KIAA1328: variants seen among roughly 807,000 people sequenced by gnomAD.
The protein encoded by KIAA1328 is protein hinderin.
KIAA1328 carries 52 observed loss-of-function variants against 68.1 expected under a neutral mutation model. The observed-to-expected ratio is 0.76, with a 90% CI of 0.61 to 0.96. The LOEUF is 0.96. KIAA1328 is among the 40% of genes least tolerant of loss of function. The probability of loss-of-function intolerance (pLI) is 0.00; values close to 1 mark genes in which losing one functional copy is unlikely to be tolerated. For synonymous variants in KIAA1328, 232 were observed against 239.4 expected (o/e 0.97, Z 0.28); for missense variants, 641 against 677.6 (o/e 0.95, Z 0.60).
At chr18:37,183,400 C>T (rs2059734142) in intron 9 of KIAA1328, among the ~76,000 whole-genome samples, 1 of 152,146 alleles carries the variant, frequency 6.6e-6, no homozygotes. Context: ...CCATGATGGG[C>T]CCCAGTGATG....
rs143839676 is a variant in KIAA1328, at chr18:36,892,558, G to C, written c.448+6886G>C. Among the ~76,000 whole-genome samples, 448 of 152,138 alleles carry C rather than the reference G, an allele frequency of 2.9e-3. 7 individuals carry two copies. The highest frequency in any genetic ancestry group is 0.02 in the Admixed American group (311 of 15,270). The stretch of plus-strand genomic sequence containing the variant: ...AAAGAATATATTATGTACTTGGATA[G>C]GGCCACTTCGTTCCATTTAACAAGC... On this transcript the variant is annotated intron_variant, in intron 5 of 9. Coordinates refer to ENST00000280020, the MANE Select transcript of KIAA1328 (RefSeq NM_020776.3).
In KIAA1328 at chr18:37,001,118, ACTG is replaced by A. The variant is rs569397379; in HGVS notation, c.576+41686_576+41688del. 1.0e-3 allele frequency among the ~76,000 whole-genome samples: 155 copies of A among 152,170 alleles called. 2 individuals carry two copies. Among genetic ancestry groups the A allele is most frequent in the African/African-American group, 3.7e-3 (153 of 41,566 alleles). On this transcript the variant is annotated intron_variant, in intron 6 of 9. Coordinates refer to ENST00000280020, the MANE Select transcript of KIAA1328 (RefSeq NM_020776.3). Reference sequence around the variant, plus strand: ...TAAAAAAGATAAACAAAATTGATAAACTGCTAACTACATTAACTAAGAAAAGAT... The same window carrying A: ...TAAAAAAGATAAACAAAATTGATAAACTAACTACATTAACTAAGAAAAGAT...
intron 3 of KIAA1328, among the ~76,000 whole-genome samples, chr18:36,838,972 A>C (rs541785444): frequency 1.3e-5 from 2 of 152,160 alleles, no homozygotes; most frequent in Non-Finnish European, 1.5e-5. Flanking sequence ...TGACCTCATT[A>C]TCTGCCCGCC....
intron 6 of KIAA1328, among the ~76,000 whole-genome samples, chr18:37,042,839 C>G (rs2055310520): frequency 6.6e-6 from 1 of 151,844 alleles, no homozygotes; most frequent in Non-Finnish European, 1.5e-5. Flanking sequence ...GACACTTTAT[C>G]TCTCTCCTCT....
intron 9 of KIAA1328, among the ~76,000 whole-genome samples, chr18:37,206,008 G>T (rs2060209520): frequency 6.6e-6 from 1 of 152,198 alleles, no homozygotes; most frequent in Non-Finnish European, 1.5e-5. Flanking sequence ...TTGCTTAGAA[G>T]AATATTTGTT....
chr18:37,143,191 G>A (rs1412773246), intron 7 of KIAA1328, among the ~76,000 whole-genome samples: 6 of 152,114 alleles, frequency 3.9e-5, no homozygotes, highest in Non-Finnish European at 8.8e-5. Context: ...CTGGCCTCAA[G>A]TAATCTCCCT....
intron 5 of KIAA1328, among the ~76,000 whole-genome samples, chr18:36,914,968 A>G (rs1465915110): frequency 6.6e-6 from 1 of 152,242 alleles, no homozygotes; most frequent in Non-Finnish European, 1.5e-5. Context: ...GAAGATGTTA[A>G]TTATCCTGGA....
intron 6 of KIAA1328, among the ~76,000 whole-genome samples, chr18:36,965,440 T>C (rs1054565562): frequency 2.0e-5 from 3 of 148,710 alleles, no homozygotes; most frequent in Non-Finnish European, 4.5e-5. Context: ...GATCAGGAGT[T>C]CGAAACCAGC....
intron 4 of KIAA1328, among the ~76,000 whole-genome samples, chr18:36,851,515 C>T (rs972312912): frequency 2.0e-5 from 3 of 147,344 alleles, no homozygotes; most frequent in Admixed American, 1.4e-4. Flanking sequence ...TCTGTTTGCT[C>T]TTGAGTCAGT....
chr18:37,173,604 T>C (rs1210135779), intron 9 of KIAA1328, among the ~76,000 whole-genome samples: 1 of 152,220 alleles, frequency 6.6e-6, no homozygotes, highest in African/African-American at 2.4e-5. Flanking sequence ...TAAGGCTGAA[T>C]ATGTAAACGT....
intron 6 of KIAA1328, among the ~76,000 whole-genome samples, chr18:37,003,074 C>T (rs1038046256): frequency 3.9e-5 from 6 of 151,920 alleles, no homozygotes; most frequent in African/African-American, 1.2e-4. Flanking sequence ...TTAACAAAGC[C>T]GACAACTTAC....
chr18:36,877,722 A>G (rs2048182526), intron 4 of KIAA1328, among the ~76,000 whole-genome samples: 1 of 137,638 alleles, frequency 7.3e-6, no homozygotes, highest in Admixed American at 8.1e-5. Flanking sequence ...GCTGGAGTGC[A>G]GTGGCGCGAT....
intron 4 of KIAA1328, among the ~76,000 whole-genome samples, chr18:36,848,811 T>G (rs2047120435): frequency 6.6e-6 from 1 of 151,402 alleles, no homozygotes; most frequent in African/African-American, 2.4e-5. Context: ...CTTTTATTGC[T>G]GAACATGTGA....
chr18:37,108,437 T>C (rs2057835051), intron 7 of KIAA1328, among the ~76,000 whole-genome samples: 1 of 152,176 alleles, frequency 6.6e-6, no homozygotes, highest in Non-Finnish European at 1.5e-5. Flanking sequence ...TGATGGGATC[T>C]GTACTCCAAA....
At chr18:36,915,371 G>A (rs1338363220) in intron 5 of KIAA1328, among the ~76,000 whole-genome samples, 2 of 91,258 alleles carry the variant, frequency 2.2e-5, no homozygotes, top group Admixed American at 1.2e-4. Context: ...GAAAGATACT[G>A]TTAAAGAGAA....
intron 5 of KIAA1328, among the ~76,000 whole-genome samples, chr18:36,919,048 G>T (rs1200479690): frequency 6.6e-6 from 1 of 152,072 alleles, no homozygotes; most frequent in Admixed American, 6.6e-5. Flanking sequence ...TTGGGGTAGG[G>T]CTTTCTAAAT....
intron 5 of KIAA1328, among the ~76,000 whole-genome samples, chr18:36,886,710 A>G (rs1249781498): frequency 1.3e-5 from 2 of 152,184 alleles, no homozygotes; most frequent in African/African-American, 4.8e-5. Context: ...TGCCAGCTAA[A>G]CTAGTGTGTG....
intron 7 of KIAA1328, among the ~76,000 whole-genome samples, chr18:37,152,828 C>T (rs2059066836): frequency 6.6e-6 from 1 of 152,048 alleles, no homozygotes; most frequent in Non-Finnish European, 1.5e-5. Context: ...AAAGCAGCCC[C>T]CAAATCATTT....
intron 6 of KIAA1328, among the ~76,000 whole-genome samples, chr18:37,054,170 G>T (rs2055817379): frequency 6.6e-6 from 1 of 152,094 alleles, no homozygotes; most frequent in Non-Finnish European, 1.5e-5. Context: ...CCAGATATAG[G>T]TTGGAATGCA....
Sources: gnomAD v4.1 joint callset for allele counts (sites outside exome capture counted in the v4.1 genomes callset) on GRCh38, gnomAD v4.1.1 for gene constraint, MANE v1.5 for transcripts, NCBI Gene and HGNC (gene_info 2026-07-23, HGNC 2026-07-21) for gene names.